The following PDE4D variants were observed in gnomAD, a reference collection of about 807,000 sequenced individuals.
PDE4D encodes the protein phosphodiesterase 4D, also known as 3',5'-cyclic-AMP phosphodiesterase 4D.
Under a neutral mutation model 87.4 loss-of-function variants are expected in PDE4D, and 24 were observed. The observed-to-expected ratio is 0.27, with a 90% CI of 0.20 to 0.39. PDE4D has a LOEUF of 0.39. Ranked by LOEUF, PDE4D falls within the 10% of genes least tolerant of loss-of-function variation. The pLI is 1.00. For synonymous variants in PDE4D, 384 were observed against 383.2 expected (o/e 1.00, Z -0.02); for missense variants, 714 against 1,041.0 (o/e 0.69, Z 4.32).
chr5:59,606,088 A>G (rs76946760), intron 1 of PDE4D, among the ~76,000 whole-genome samples: 2,071 of 152,088 alleles, frequency 0.014, 35 homozygotes, highest in East Asian at 0.042. Flanking sequence ...TATATACATG[A>G]ATATACATGA....
chr5:60,430,467 T>C (rs1419212020), intron 1 of PDE4D, among the ~76,000 whole-genome samples: 1 of 151,672 alleles, frequency 6.6e-6, no homozygotes, highest in Non-Finnish European at 1.5e-5. Flanking sequence ...CAGATATCCT[T>C]CTGCTTGACT....
At chr5:59,423,878 G>T (rs927435923) in intron 1 of PDE4D, among the ~76,000 whole-genome samples, 1 of 151,686 alleles carries the variant, frequency 6.6e-6, no homozygotes, top group African/African-American at 2.4e-5. Context: ...CGTCATGATG[G>T]CATTTTAGAA....
chr5:59,753,175 A>G lies in PDE4D; in HGVS notation c.455+139993T>C, dbSNP rs1049577670. On this transcript the variant is annotated intron_variant, in intron 1 of 14. Coordinates refer to ENST00000340635, the MANE Select transcript of PDE4D (RefSeq NM_001104631.2). ...TGTAGGGTAATTAATGAGACAGTAT[A>G]AGTAGGACATCCTTAGTGGGAAGGA... 4.6e-5 allele frequency among the ~76,000 whole-genome samples: 7 copies of G among 152,310 alleles called. No homozygotes were observed. In the East Asian group the frequency reaches 1.4e-3, roughly 29 times the overall value.
Position 60,177,873 on chromosome 5 carries a change from GT to G in PDE4D, c.42+7683del, listed in dbSNP as rs368334261. On this transcript the variant is annotated intron_variant, in intron 2 of 16. Coordinates refer to the PDE4D transcript ENST00000502484. ...GCCACAAGATAATTTAATGAATGAC[GT>G]GTATTACTGTAATGAAAGTATACAA... 2.1e-4 allele frequency among the ~76,000 whole-genome samples: 32 copies of G among 152,192 alleles called. No homozygotes were observed. In the East Asian group the frequency reaches 6.0e-3, roughly 28 times the overall value.
At chr5:60,212,083 T>G (rs1345563567) in intron 1 of PDE4D, among the ~76,000 whole-genome samples, 5 of 152,222 alleles carry the variant, frequency 3.3e-5, no homozygotes, top group Admixed American at 3.3e-4. Context: ...TTTTTAAATG[T>G]ACATAGCAGC....
At chr5:59,232,964 C>T (rs1452054808) in intron 1 of PDE4D, among the ~76,000 whole-genome samples, 1 of 152,052 alleles carries the variant, frequency 6.6e-6, no homozygotes, top group Non-Finnish European at 1.5e-5. Flanking sequence ...GGCATGTTCT[C>T]ACTCATAAGT....
intron 5 of PDE4D, among the ~76,000 whole-genome samples, chr5:59,131,430 A>G (rs1198582272): frequency 1.3e-5 from 2 of 152,198 alleles, no homozygotes; most frequent in Admixed American, 1.3e-4. Flanking sequence ...GTCCAATAGT[A>G]GCTGTGTTTC....
chr5:59,825,268 G>GT (rs1770186404), intron 1 of PDE4D, among the ~76,000 whole-genome samples: 1 of 152,162 alleles, frequency 6.6e-6, no homozygotes, highest in Non-Finnish European at 1.5e-5. Context: ...ATTGGACATT[G>GT]TAAGTAAAGG....
intron 6 of PDE4D, among the ~76,000 whole-genome samples, chr5:59,030,379 C>A (rs1757132504): frequency 7.8e-6 from 1 of 128,712 alleles, no homozygotes; most frequent in South Asian, 2.6e-4. Flanking sequence ...TCTGAATAGA[C>A]ACACTTTCCT....
intron 1 of PDE4D, among the ~76,000 whole-genome samples, chr5:59,420,052 T>C (rs1477789937): frequency 6.6e-6 from 1 of 152,220 alleles, no homozygotes; most frequent in Non-Finnish European, 1.5e-5. Context: ...GGAATTTTTA[T>C]ATCTCCCTTG....
At chr5:59,774,394 C>T (rs183129620) in intron 1 of PDE4D, among the ~76,000 whole-genome samples, 9 of 152,128 alleles carry the variant, frequency 5.9e-5, no homozygotes, top group Admixed American at 4.6e-4. Flanking sequence ...ACATTCCACC[C>T]AATTAAACAT....
At chr5:60,377,023 G>C (rs1198758469) in intron 1 of PDE4D, among the ~76,000 whole-genome samples, 1 of 152,212 alleles carries the variant, frequency 6.6e-6, no homozygotes, top group Non-Finnish European at 1.5e-5. Context: ...TAAGTTTCAC[G>C]ATGGCAAGGA....
intron 1 of PDE4D, among the ~76,000 whole-genome samples, chr5:59,729,266 A>G (rs1358646308): frequency 3.9e-5 from 6 of 152,118 alleles, no homozygotes; most frequent in Admixed American, 6.6e-5. Flanking sequence ...GAGAGCCTCA[A>G]TGTTTAATAT....
intron 1 of PDE4D, among the ~76,000 whole-genome samples, chr5:59,234,468 C>T (rs1755927128): frequency 3.3e-5 from 5 of 152,082 alleles, no homozygotes; most frequent in Non-Finnish European, 7.4e-5. Flanking sequence ...AAAGATTTTT[C>T]TAACCAGCTA....
At chr5:59,723,831 G>A (rs1230240613) in intron 1 of PDE4D, among the ~76,000 whole-genome samples, 1 of 152,166 alleles carries the variant, frequency 6.6e-6, no homozygotes, top group Non-Finnish European at 1.5e-5. Flanking sequence ...AAAAGCAGAA[G>A]CCACTGGTTA....
chr5:60,171,363 A>G (rs1054031296), intron 2 of PDE4D, among the ~76,000 whole-genome samples: 11 of 152,012 alleles, frequency 7.2e-5, no homozygotes, highest in African/African-American at 2.7e-4. Flanking sequence ...ACCATTGATG[A>G]AGGCTGTTGT....
intron 1 of PDE4D, chr5:60,372,858 T>C (rs1009855631): frequency 6.6e-6 from 1 of 152,200 alleles, no homozygotes; most frequent in African/African-American, 2.4e-5. Context: ...ATTTTGTGCT[T>C]AGTAAATATT....
chr5:59,388,190 A>G (rs1044299500), intron 1 of PDE4D, among the ~76,000 whole-genome samples: 5 of 152,124 alleles, frequency 3.3e-5, no homozygotes, highest in African/African-American at 1.2e-4. Flanking sequence ...AAAAAACAAG[A>G]AAAGGATCTA....
At chr5:60,104,331 C>G (rs931582820) in intron 2 of PDE4D, among the ~76,000 whole-genome samples, 1 of 152,234 alleles carries the variant, frequency 6.6e-6, no homozygotes, top group African/African-American at 2.4e-5. Flanking sequence ...ATTGCCCAGG[C>G]TTGCTTACGT....
Sources: gnomAD v4.1 joint callset for allele counts (sites outside exome capture counted in the v4.1 genomes callset) on GRCh38, gnomAD v4.1.1 for gene constraint, MANE v1.5 for transcripts, NCBI Gene and HGNC (gene_info 2026-07-23, HGNC 2026-07-21) for gene names.